TMX4: variants seen among roughly 807,000 people sequenced by gnomAD.
The protein encoded by TMX4 is thioredoxin related transmembrane protein 4, also known as thioredoxin-related transmembrane protein 4.
TMX4 carries 23 observed loss-of-function variants against 33.3 expected under a neutral mutation model. The ratio of observed to expected loss-of-function variants is 0.69; its 90% CI spans 0.50 to 0.98. The LOEUF is 0.98. TMX4 is among the 50% of genes least tolerant of loss of function. The probability of loss-of-function intolerance (pLI) is 0.00; values close to 1 mark genes in which losing one functional copy is unlikely to be tolerated. For missense variants in TMX4, 399 were observed against 448.9 expected (o/e 0.89, Z 1.01); for synonymous variants, 164 against 161.5 (o/e 1.02, Z -0.12).
chr20:7,991,846 A>G (rs2050656434), intron 5 of TMX4, among the ~76,000 whole-genome samples: 1 of 151,762 alleles, frequency 6.6e-6, no homozygotes, highest in Non-Finnish European at 1.5e-5. Context: ...AAAAAAAAAA[A>G]TAGGATTCAG....
At chr20:7,986,001 C>T (rs578252783) in intron 6 of TMX4, among the ~76,000 whole-genome samples, 3 of 152,300 alleles carry the variant, frequency 2.0e-5, no homozygotes, top group South Asian at 4.1e-4. Context: ...ATCATTGACT[C>T]GCCTGGGACC....
At chr20:7,996,398 G>A (rs2050676603) in intron 4 of TMX4, among the ~76,000 whole-genome samples, 1 of 152,146 alleles carries the variant, frequency 6.6e-6, no homozygotes, top group African/African-American at 2.4e-5. Flanking sequence ...CCAAACCTAA[G>A]TGGACACGTA....
In TMX4 at chr20:8,019,756, G is replaced by A. The variant is rs1568541937; in HGVS notation, c.-143C>T. 1.4e-6 allele frequency: 1 copy of A among 692,988 alleles called. No homozygotes were observed. The highest frequency in any genetic ancestry group is 2.0e-6 in the Non-Finnish European group (1 of 491,440). The allele number at this position is 692,988 out of a possible 1,614,324, so 42.9% of individuals were successfully genotyped here. The stretch of plus-strand genomic sequence containing the variant: ...CTACGCCTAGCGGCGCAGACTGGCG[G>A]TGCTCGCAATGCCGCGGAGGACGCC... On this transcript the variant is annotated 5_prime_UTR_variant, in exon 1 of 8. Coordinates refer to ENST00000246024, the MANE Select transcript of TMX4 (RefSeq NM_021156.4).
At chr20:8,011,700 T>C (rs1306742950) in intron 1 of TMX4, among the ~76,000 whole-genome samples, 1 of 152,068 alleles carries the variant, frequency 6.6e-6, no homozygotes, top group Non-Finnish European at 1.5e-5. Context: ...AAAGCATTCA[T>C]TACTTTCTCC....
At chr20:7,986,131 C>T (rs541896509) in intron 6 of TMX4, among the ~76,000 whole-genome samples, 3 of 152,268 alleles carry the variant, frequency 2.0e-5, no homozygotes, top group Admixed American at 1.3e-4. Flanking sequence ...TATTTATATC[C>T]GGTGTCAAAT....
intron 4 of TMX4, among the ~76,000 whole-genome samples, chr20:7,997,415 TTTTTTCC>T (rs1371154290): frequency 6.6e-6 from 1 of 152,100 alleles, no homozygotes; most frequent in Non-Finnish European, 1.5e-5. Flanking sequence ...CACCCCCTCT[TTTTTTCC>T]TTTTTCCTTT....
At chr20:8,013,268 A>G (rs1253709619) in intron 1 of TMX4, among the ~76,000 whole-genome samples, 1 of 152,172 alleles carries the variant, frequency 6.6e-6, no homozygotes, top group African/African-American at 2.4e-5. Context: ...TAAGAACTAT[A>G]AAAGATATGA....
chr20:7,989,989 A>G (rs910522614), intron 5 of TMX4, among the ~76,000 whole-genome samples: 1 of 152,174 alleles, frequency 6.6e-6, no homozygotes, highest in African/African-American at 2.4e-5. Context: ...CTATGGTACT[A>G]GATGAATAAG....
At chr20:8,006,046 G>A (rs1024464496) in intron 2 of TMX4, among the ~76,000 whole-genome samples, 8 of 152,160 alleles carry the variant, frequency 5.3e-5, no homozygotes, top group Admixed American at 4.6e-4. Context: ...AGCCACCTAT[G>A]GATGGCTAAA....
At chr20:8,015,817 GTTTAA>G (rs1249854065) in intron 1 of TMX4, among the ~76,000 whole-genome samples, 6 of 152,152 alleles carry the variant, frequency 3.9e-5, no homozygotes, top group Non-Finnish European at 7.4e-5. Flanking sequence ...ATCACCAGGT[GTTTAA>G]TTTAAATTTT....
At chr20:8,019,222 C>A (rs1035229657) in intron 1 of TMX4, 3 of 557,266 alleles carry the variant, frequency 5.4e-6, no homozygotes, top group South Asian at 4.6e-5. Flanking sequence ...AGCCGCAGGT[C>A]GTTGGTAAGG....
intron 7 of TMX4, 73 bp downstream of exon 7, chr20:7,983,721 T>C: frequency 7.8e-7 from 1 of 1,287,340 alleles, no homozygotes; most frequent in Non-Finnish European, 1.1e-6. Flanking sequence ...AAACCCACTA[T>C]CTATATGAGC....
At chr20:8,001,394 G>A in intron 3 of TMX4, 102 bp downstream of exon 3, 2 of 1,217,682 alleles carry the variant, frequency 1.6e-6, no homozygotes, top group Non-Finnish European at 2.3e-6. Flanking sequence ...TCCCTCACAT[G>A]TTAAGCTGAA....
At position 8,019,617 on chromosome 20, in the gene TMX4, G is replaced by A. The variant is rs545054899; in HGVS notation, c.-4C>T. The A allele has an allele frequency of 6.3e-4, 849 of 1,340,100 alleles. 8 individuals carry two copies. In the South Asian group the frequency reaches 8.8e-3, roughly 14 times the overall value. The allele number at this position is 1,340,100 out of a possible 1,614,324, so 83.0% of individuals were successfully genotyped here. A position where few individuals can be genotyped will look rare whatever the true frequency, so the allele number is the denominator to read the frequency against. ...GGCCGCAGCGCCCACCCGCCATGTTGGGCGCCGAGCGAGGCTTCTCGGCGG... is the reference window on the plus strand; with the variant it reads ...GGCCGCAGCGCCCACCCGCCATGTTAGGCGCCGAGCGAGGCTTCTCGGCGG... On this transcript the variant is annotated 5_prime_UTR_variant, in exon 1 of 8. Transcript: ENST00000246024.
In TMX4 at chr20:7,981,652, T is replaced by C. The variant is rs1600138364; in HGVS notation, c.*599A>G. 6.6e-6 allele frequency: 1 copy of C among 152,460 alleles called. No homozygotes were observed. The highest frequency in any genetic ancestry group is 2.4e-5 in the African/African-American group (1 of 41,496). 9.4% of individuals were successfully genotyped at this position (152,460 alleles called of 1,614,324 possible). On this transcript the variant is annotated 3_prime_UTR_variant, in exon 8 of 8. Transcript: ENST00000246024. ...AGAGTGTGGAGAGCCTGAATGCCCA[T>C]GGTGGAAATGCTGGAAAAATTAAAG... is the stretch of plus-strand genomic sequence containing the variant.
chr20:7,978,408 A>G lies in TMX4; in HGVS notation c.*3843T>C, dbSNP rs1032944529. ...GATGCATTTGGTAATAAAAAGTCAC[A>G]TGGTAAGTATTTGCCTTAAAAATGA... On this transcript the variant is annotated 3_prime_UTR_variant, in exon 8 of 8. Coordinates refer to ENST00000246024, the MANE Select transcript of TMX4 (RefSeq NM_021156.4). The G allele has an allele frequency of 6.6e-5, 10 of 152,332 alleles. No individual in the cohort carries two copies. The South Asian group carries it at 1.4e-3, about 22-fold the overall frequency. 9.4% of individuals were successfully genotyped at this position (152,332 alleles called of 1,614,324 possible). A position where few individuals can be genotyped will look rare whatever the true frequency, so the allele number is the denominator to read the frequency against.
At chr20:8,008,971 C>CA (rs1449035267) in intron 2 of TMX4, among the ~76,000 whole-genome samples, 1 of 152,114 alleles carries the variant, frequency 6.6e-6, no homozygotes, top group Admixed American at 6.5e-5. Flanking sequence ...TTCTGTTATC[C>CA]AAGTAACTGG....
In TMX4 at chr20:7,982,244, A is replaced by T. The variant is rs1186939944; in HGVS notation, c.*7T>A. On this transcript the variant is annotated 3_prime_UTR_variant, in exon 8 of 8. Coordinates refer to ENST00000246024, the MANE Select transcript of TMX4 (RefSeq NM_021156.4). ...TGGTGTGTATTCTTGAAAACGCATCATTAAATCTACAGTCCCTTGTCAGCA... is the reference window on the plus strand; with the variant it reads ...TGGTGTGTATTCTTGAAAACGCATCTTTAAATCTACAGTCCCTTGTCAGCA... The T allele has an allele frequency of 6.2e-7, 1 of 1,608,610 alleles. No individual in the cohort carries two copies. Among genetic ancestry groups the T allele is most frequent in the Non-Finnish European group, 8.5e-7 (1 of 1,176,540 alleles).
intron 2 of TMX4, among the ~76,000 whole-genome samples, chr20:8,006,587 T>C (rs1018583445): frequency 6.6e-6 from 1 of 152,090 alleles, no homozygotes; most frequent in Non-Finnish European, 1.5e-5. Context: ...AAAAAGTAAA[T>C]AAATAAACTG....
Sources: allele counts gnomAD v4.1 joint callset (sites outside exome capture counted in the v4.1 genomes callset), GRCh38; gene constraint gnomAD v4.1.1; transcripts MANE v1.5; gene names NCBI Gene and HGNC (gene_info 2026-07-23, HGNC 2026-07-21).